Variants in CDH5 observed in about 807,000 individuals in gnomAD.
CDH5 encodes cadherin-5.
CDH5 carries 28 observed loss-of-function variants against 62.0 expected under a neutral mutation model. The ratio of observed to expected loss-of-function variants is 0.45; its 90% confidence interval spans 0.33 to 0.62. The LOEUF (loss-of-function observed/expected upper bound fraction) is 0.62, where lower values mean the gene tolerates loss of function less well. Ranked by LOEUF, CDH5 falls within the 20% of genes least tolerant of loss-of-function variation. The probability of loss-of-function intolerance (pLI) is 0.02; values close to 1 mark genes in which losing one functional copy is unlikely to be tolerated. For missense variants in CDH5, 940 were observed against 1,065.1 expected, an observed-to-expected ratio of 0.88 and a Z score of 1.63; for synonymous variants, 464 against 445.8, an observed-to-expected ratio of 1.04 and a Z score of -0.52.
chr16:66,373,376 C>A (rs982732873), intron 1 of CDH5, among the ~76,000 whole-genome samples: 1 of 151,862 alleles, frequency 6.6e-6, no homozygotes, highest in African/African-American at 2.4e-5. Flanking sequence ...CCAACAAGAC[C>A]CTTCCCTGCA....
intron 10 of CDH5, 111 bp from the exon 11 acceptor site, chr16:66,400,660 C>A (rs1961263426): frequency 1.5e-6 from 2 of 1,298,062 alleles, no homozygotes; most frequent in South Asian, 1.2e-5. Context: ...GGCAGAAAAG[C>A]AGCCCAGGGA....
intron 1 of CDH5, among the ~76,000 whole-genome samples, chr16:66,376,800 T>TA (rs1380313768): frequency 6.6e-6 from 1 of 152,204 alleles, no homozygotes; most frequent in African/African-American, 2.4e-5. Context: ...CGCCAGCTGA[T>TA]ACGTTTCCTC....
chr16:66,370,808 A>G (rs1228720762), intron 1 of CDH5, among the ~76,000 whole-genome samples: 1 of 152,234 alleles, frequency 6.6e-6, no homozygotes, highest in Non-Finnish European at 1.5e-5. Context: ...CTGGGCAAAA[A>G]GCCTGCTGCT....
chr16:66,367,834 C>A (rs952348446), intron 1 of CDH5, among the ~76,000 whole-genome samples: 1 of 152,136 alleles, frequency 6.6e-6, no homozygotes, highest in Non-Finnish European at 1.5e-5. Context: ...AACAGTGTTT[C>A]CTCAGTCAAT....
chr16:66,379,536 C>T lies in CDH5; in HGVS notation c.199C>T (p.His67Tyr). The stretch of plus-strand genomic sequence containing the variant: ...AGAGAAAAACACCTCACTTCCCCAT[C>T]ATGTAGGCAAGGTAAGGCTCAAGCC... ...DEEKNTSLPH[H>Y]VGKIKSSVSR... is the part of the protein sequence containing the mutation. Residue 67 changes from histidine to tyrosine, a missense_variant, in exon 2 of 12, where the codon CAT (histidine) becomes TAT (tyrosine). Coordinates refer to ENST00000341529, the MANE Select transcript of CDH5 (RefSeq NM_001795.5). 2 of 1,614,142 alleles carry T rather than the reference C, an allele frequency of 1.2e-6. No homozygotes were observed. Among genetic ancestry groups the T allele is most frequent in the East Asian group, 2.2e-5 (1 of 44,890 alleles).
At position 66,396,041 on chromosome 16, in the gene CDH5, A is replaced by ACT; in HGVS notation, c.1218-12_1218-11dup. 6.2e-7 allele frequency: 1 copy of ACT among 1,610,350 alleles called. No homozygotes were observed. Among genetic ancestry groups the ACT allele is most frequent in the Non-Finnish European group, 8.5e-7 (1 of 1,179,026 alleles). On this transcript the variant is annotated splice_polypyrimidine_tract_variant and intron_variant, in intron 7 of 11. Transcript: ENST00000341529. ...GCAAAGAACAATGGAAAGCCATGAAACTCTCTCCCCTGGGCAGATACTCCA... is the reference window on the plus strand; with the variant it reads ...GCAAAGAACAATGGAAAGCCATGAAACTCTCTCTCCCCTGGGCAGATACTCCA...
At chr16:66,379,590 G>T in intron 2 of CDH5, 43 bp downstream of exon 2, 1 of 1,568,328 alleles carries the variant, frequency 6.4e-7, no homozygotes, top group East Asian at 2.2e-5. Flanking sequence ...TCAGCAGCTG[G>T]CCCATAGTGA....
chr16:66,401,602 T>C (rs1358086067), intron 11 of CDH5, among the ~76,000 whole-genome samples: 1 of 151,998 alleles, frequency 6.6e-6, no homozygotes, highest in African/African-American at 2.4e-5. Context: ...GTGGAAGTGG[T>C]TTATTTGGGA....
chr16:66,398,697 A>C lies in CDH5; in HGVS notation c.1591+136A>C, dbSNP rs1961232084. The C allele has an allele frequency of 3.7e-5, 21 of 564,000 alleles. No homozygotes were observed. The South Asian group carries it at 4.1e-4, about 11-fold the overall frequency. The allele number at this position is 564,000 out of a possible 1,614,324, so 34.9% of individuals were successfully genotyped here. A position where few individuals can be genotyped will look rare whatever the true frequency, so the allele number is the denominator to read the frequency against. ...CAGTGAGCTATGATCACATCACTGC[A>C]CTCCAGCCCGGGCGACAGAGCGAGA... is the stretch of plus-strand genomic sequence containing the variant. On this transcript the variant is annotated intron_variant, in intron 10 of 11. Coordinates refer to ENST00000341529, the MANE Select transcript of CDH5 (RefSeq NM_001795.5).
At chr16:66,374,685 G>A (rs1362794863) in intron 1 of CDH5, among the ~76,000 whole-genome samples, 3 of 150,382 alleles carry the variant, frequency 2.0e-5, no homozygotes, top group East Asian at 1.9e-4. Context: ...AGGTACAGCC[G>A]TGCATCTTTT....
intron 2 of CDH5, among the ~76,000 whole-genome samples, chr16:66,386,590 C>G (rs1596936947): frequency 6.6e-6 from 1 of 152,120 alleles, no homozygotes; most frequent in East Asian, 1.9e-4. Flanking sequence ...GCCTGCAGCT[C>G]TATCCATGTT....
In CDH5 at chr16:66,392,243, C is replaced by T. The variant is rs1961099320; in HGVS notation, c.1077C>T (p.Val359=). ...CTCCCGCGGGAAACAGAGCCCAGGT[C>T]ATTATCAACATCACAGATGTGGACG... ...MSPPAGNRAQ[V]IINITDVDEP... Residue 359 remains valine (V), a synonymous_variant, in exon 7 of 12, where the codon GTC becomes GTT. Transcript: ENST00000341529. 1.2e-6 allele frequency: 2 copies of T among 1,614,136 alleles called. No homozygotes were observed. The highest frequency in any genetic ancestry group is 1.7e-6 in the Non-Finnish European group (2 of 1,180,026).
chr16:66,376,490 C>T (rs1168028956), intron 1 of CDH5: 2 of 152,174 alleles, frequency 1.3e-5, no homozygotes, highest in Non-Finnish European at 1.5e-5. Flanking sequence ...GGAAACAGAG[C>T]GAACCCTGGG....
In CDH5 at chr16:66,390,547, A is replaced by G. The variant is rs1322043535; in HGVS notation, c.926A>G (p.Glu309Gly). 1.2e-6 allele frequency: 2 copies of G among 1,614,006 alleles called. No individual in the cohort carries two copies. The highest frequency in any genetic ancestry group is 1.7e-6 in the Non-Finnish European group (2 of 1,180,022). Residue 309 changes from glutamate (E) to glycine (G), a missense_variant, in exon 6 of 12, where the codon GAG becomes GGG. Glu to Gly is a moderately conservative substitution (Grantham distance 98). Transcript: ENST00000341529. ...GACTACCAGGACGCTTTCACCATTGAGACAAACCCCGCCCACAACGAGGGC... is the reference window on the plus strand; with the variant it reads ...GACTACCAGGACGCTTTCACCATTGGGACAAACCCCGCCCACAACGAGGGC... ...RGDYQDAFTI[E>G]TNPAHNEGII...
chr16:66,401,133 C>A, intron 11 of CDH5, 117 bp downstream of exon 11: 2 of 1,335,070 alleles, frequency 1.5e-6, no homozygotes, highest in Non-Finnish European at 2.1e-6. Context: ...CCAACCCTGC[C>A]TCCAATCTGC....
chr16:66,387,567 A>G (rs778770022), intron 3 of CDH5, among the ~76,000 whole-genome samples: 1 of 152,214 alleles, frequency 6.6e-6, no homozygotes, highest in Non-Finnish European at 1.5e-5. Context: ...TCCTGACCCT[A>G]GTCATAGACT....
Position 66,400,995 on chromosome 16 carries a change from C to A in CDH5, c.1816C>A (p.Leu606Ile), listed in dbSNP as rs1262276978. Residue 606 changes from leucine (L) to isoleucine (I), a missense_variant, in exon 11 of 12, where the codon CTC becomes ATC. Transcript: ENST00000341529. Reference protein sequence around the residue: ...VSIQAVVAILLCILTITVITL... With the variant: ...VSIQAVVAILICILTITVITL... Reference sequence around the variant, plus strand: ...CATCCAGGCAGTGGTAGCCATCTTACTCTGCATCCTCACCATCACAGGTCA... The same window carrying A: ...CATCCAGGCAGTGGTAGCCATCTTAATCTGCATCCTCACCATCACAGGTCA... 11 of 1,613,958 alleles carry A rather than the reference C, an allele frequency of 6.8e-6. No individual in the cohort carries two copies. The highest frequency in any genetic ancestry group is 2.7e-5 in the African/African-American group (2 of 74,960).
chr16:66,401,584 G>A lies in CDH5; in HGVS notation c.1837+568G>A, dbSNP rs544766062. On this transcript the variant is annotated intron_variant, in intron 11 of 11. Transcript: ENST00000341529. ...TTCCCAGGGAGCAGCCCTGGGATGA[G>A]GATTGGGGTGGAAGTGGTTTATTTG... 1.8e-4 allele frequency among the ~76,000 whole-genome samples: 27 copies of A among 152,300 alleles called. No homozygotes were observed. In the South Asian group the frequency reaches 2.7e-3, roughly 15 times the overall value.
At chr16:66,398,669 CT>C (rs1961231799) in intron 10 of CDH5, 108 bp downstream of exon 10, 1 of 637,194 alleles carries the variant, frequency 1.6e-6, no homozygotes, top group Admixed American at 2.2e-5. Context: ...GAGTTTGAGG[CT>C]GCAGTGAGCT....
Sources: gnomAD v4.1 joint callset for allele counts (sites outside exome capture counted in the v4.1 genomes callset) on GRCh38, gnomAD v4.1.1 for gene constraint, MANE v1.5 for transcripts, NCBI Gene and HGNC (gene_info 2026-07-23, HGNC 2026-07-21) for gene names.